The following CELF4 variants were observed in gnomAD, a reference collection of about 807,000 sequenced individuals.
The protein encoded by CELF4 is CUGBP Elav-like family member 4.
CELF4 carries 18 observed loss-of-function variants against 59.9 expected under a neutral mutation model. That is an observed-to-expected ratio of 0.30 (90% confidence interval 0.21 to 0.45). The LOEUF (loss-of-function observed/expected upper bound fraction) is 0.45. Among genes scored for constraint, CELF4 ranks in the 20% least tolerant of loss-of-function variants. The pLI, the probability that CELF4 is intolerant of heterozygous loss-of-function variation, is 1.00. For synonymous variants in CELF4, 261 were observed against 267.1 expected, an observed-to-expected ratio of 0.98 and a Z score of 0.22; for missense variants, 456 against 689.0, an observed-to-expected ratio of 0.66 and a Z score of 3.79.
intron 3 of CELF4, among the ~76,000 whole-genome samples, chr18:37,281,225 G>T (rs911049475): frequency 6.6e-6 from 1 of 152,248 alleles, no homozygotes; most frequent in African/African-American, 2.4e-5. Context: ...GCCGGGCAGG[G>T]TGAGTGGGCC....
chr18:37,311,650 A>T (rs1182187062), intron 3 of CELF4, among the ~76,000 whole-genome samples: 1 of 151,960 alleles, frequency 6.6e-6, no homozygotes, highest in Non-Finnish European at 1.5e-5. Flanking sequence ...TTAGCTGGGC[A>T]TGGTGGCACG....
intron 2 of CELF4, among the ~76,000 whole-genome samples, chr18:37,463,564 G>A (rs2099799538): frequency 1.3e-5 from 2 of 152,170 alleles, no homozygotes; most frequent in African/African-American, 4.8e-5. Context: ...GGAAACAGAA[G>A]TCTTTGGACC....
At chr18:37,561,757 C>T (rs1050815949) in intron 1 of CELF4, among the ~76,000 whole-genome samples, 2 of 152,194 alleles carry the variant, frequency 1.3e-5, no homozygotes, top group African/African-American at 2.4e-5. Flanking sequence ...TTCCCTTCTC[C>T]AGGGTAGAAA....
intron 3 of CELF4, among the ~76,000 whole-genome samples, chr18:37,321,047 G>T (rs2097098291): frequency 6.6e-6 from 1 of 152,172 alleles, no homozygotes; most frequent in South Asian, 2.1e-4. Flanking sequence ...GGCCAGGGCT[G>T]TGCCTAGGGT....
intron 1 of CELF4, among the ~76,000 whole-genome samples, chr18:37,558,868 G>C (rs1711729568): frequency 6.6e-6 from 1 of 151,748 alleles, no homozygotes; most frequent in South Asian, 2.1e-4. Flanking sequence ...GGAATACCAA[G>C]AGGCAGTGAG....
At chr18:37,348,353 C>T (rs1358442274) in intron 2 of CELF4, among the ~76,000 whole-genome samples, 1 of 152,128 alleles carries the variant, frequency 6.6e-6, no homozygotes, top group Admixed American at 6.5e-5. Flanking sequence ...GAAAGAAGGG[C>T]TTCTTTGGTC....
chr18:37,461,710 G>C (rs921833182), intron 2 of CELF4, among the ~76,000 whole-genome samples: 1 of 152,236 alleles, frequency 6.6e-6, no homozygotes, highest in Non-Finnish European at 1.5e-5. Flanking sequence ...AGAATGGTCA[G>C]TGGTCACCGA....
chr18:37,353,275 C>T (rs1367622735), intron 2 of CELF4, among the ~76,000 whole-genome samples: 1 of 146,570 alleles, frequency 6.8e-6, no homozygotes, highest in Non-Finnish European at 1.5e-5. Context: ...TCTTGGGGGG[C>T]TTAGGGACCA....
In CELF4 at chr18:37,477,290, C is replaced by T. The variant is rs540284716; in HGVS notation, c.369+8235G>A. 1.9e-4 allele frequency among the ~76,000 whole-genome samples: 29 copies of T among 152,310 alleles called. No homozygotes were observed. In the East Asian group the frequency reaches 2.1e-3, roughly 11 times the overall value. ...GATGGGGACGGATTGGAAAGCTCCC[C>T]GAGCGGGGCAGAGAATTTGTTCAGA... On this transcript the variant is annotated intron_variant, in intron 2 of 12. Transcript: ENST00000420428.
rs576113217 is a variant in CELF4 at position 37,254,850 on chromosome 18, G to A, written c.1334-912C>T. 5.3e-5 allele frequency among the ~76,000 whole-genome samples: 8 copies of A among 152,322 alleles called. No individual in the cohort carries two copies. The highest frequency in any genetic ancestry group is 1.7e-4 in the African/African-American group (7 of 41,582). On this transcript the variant is annotated intron_variant, in intron 11 of 12. Transcript: ENST00000420428. The surrounding 1 kb of genome is among the most constrained non-coding windows in gnomAD (Gnocchi z 5.1). ...TCAGAAGTCACCTTTGGGGAACTCTGAATGCATCTCTTCATACAGACAACA... is the reference window on the plus strand; with the variant it reads ...TCAGAAGTCACCTTTGGGGAACTCTAAATGCATCTCTTCATACAGACAACA...
intron 1 of CELF4, among the ~76,000 whole-genome samples, chr18:37,505,750 A>G (rs1482568039): frequency 3.9e-5 from 6 of 152,132 alleles, no homozygotes; most frequent in Admixed American, 1.3e-4. Flanking sequence ...CTCTAGCCCC[A>G]CTGCCCAGAC....
intron 2 of CELF4, among the ~76,000 whole-genome samples, chr18:37,451,120 C>T (rs895409156): frequency 7.9e-5 from 12 of 152,208 alleles, no homozygotes; most frequent in African/African-American, 2.9e-4. Context: ...GGACAACCAG[C>T]AGGATCAGCT....
intron 1 of CELF4, among the ~76,000 whole-genome samples, chr18:37,522,190 T>C (rs543214241): frequency 6.6e-6 from 1 of 152,250 alleles, no homozygotes; most frequent in South Asian, 2.1e-4. Context: ...TAAATTATTT[T>C]CTAAATGAGT....
At chr18:37,518,755 C>T (rs1235590624) in intron 1 of CELF4, among the ~76,000 whole-genome samples, 2 of 152,210 alleles carry the variant, frequency 1.3e-5, no homozygotes, top group East Asian at 3.9e-4. Flanking sequence ...TCTGCTACCT[C>T]CTGAGGCCCT....
At chr18:37,448,914 C>T (rs965312728) in intron 2 of CELF4, among the ~76,000 whole-genome samples, 2 of 152,236 alleles carry the variant, frequency 1.3e-5, no homozygotes, top group African/African-American at 2.4e-5. Flanking sequence ...ACTGGCCAGG[C>T]GCAGACACAG....
At chr18:37,273,536 G>A (rs2092298710) in intron 6 of CELF4, 1 of 1,007,632 alleles carries the variant, frequency 9.9e-7, no homozygotes. Context: ...AACTCACTTA[G>A]CACAGGTTTC....
chr18:37,471,116 C>T (rs575861299), intron 2 of CELF4, among the ~76,000 whole-genome samples: 2 of 152,110 alleles, frequency 1.3e-5, no homozygotes, highest in East Asian at 3.9e-4. Context: ...AGAGAGGGAG[C>T]CAAGTTTCCC....
intron 1 of CELF4, among the ~76,000 whole-genome samples, chr18:37,544,251 A>G (rs1004545087): frequency 7.3e-5 from 11 of 149,986 alleles, no homozygotes; most frequent in Non-Finnish European, 8.8e-5. Flanking sequence ...ACTGCGTTCC[A>G]CGTTCACAAG....
chr18:37,348,300 C>T (rs1209964612), intron 2 of CELF4, among the ~76,000 whole-genome samples: 1 of 152,152 alleles, frequency 6.6e-6, no homozygotes, highest in Admixed American at 6.5e-5. Context: ...ACACACTAGG[C>T]CCCTGAAAAG....
Sources: gnomAD v4.1 joint callset for allele counts (sites outside exome capture counted in the v4.1 genomes callset) on GRCh38, gnomAD v4.1.1 for gene constraint, Gnocchi (gnomAD v3.1) non-coding constraint, MANE v1.5 for transcripts, NCBI Gene and HGNC (gene_info 2026-07-23, HGNC 2026-07-21) for gene names.